PCDHGA1: variants seen among roughly 807,000 people sequenced by gnomAD.
PCDHGA1 encodes the protein protocadherin gamma-A1.
A neutral mutation model predicts 58.0 loss-of-function variants in PCDHGA1; 32 were observed. The observed-to-expected ratio is 0.55, with a 90% CI of 0.42 to 0.74. The LOEUF (loss-of-function observed/expected upper bound fraction) is 0.74. Ranked by LOEUF, PCDHGA1 falls within the 30% of genes least tolerant of loss-of-function variation. The probability of loss-of-function intolerance (pLI) is 0.00; values close to 1 mark genes in which losing one functional copy is unlikely to be tolerated. For synonymous variants in PCDHGA1, 498 were observed against 501.1 expected, an observed-to-expected ratio of 0.99 and a Z score of 0.08; for missense variants, 1,205 against 1,182.3, an observed-to-expected ratio of 1.02 and a Z score of -0.28.
chr5:141,450,006 C>CTTTT (rs1554136305), intron 1 of PCDHGA1, among the ~76,000 whole-genome samples: 4 of 132,984 alleles, frequency 3.0e-5, no homozygotes, highest in South Asian at 2.3e-4. Flanking sequence ...TGCCATGTCT[C>CTTTT]TTTTTTTTTT....
chr5:141,346,637 G>A (rs1303742317), intron 1 of PCDHGA1: 33 of 910,742 alleles, frequency 3.6e-5, no homozygotes, highest in Non-Finnish European at 5.3e-5. Flanking sequence ...GTCTGGTTAT[G>A]GTTGAGTGGG....
chr5:141,487,297 C>A lies in PCDHGA1; in HGVS notation c.2422-7510C>A. ...TTTGCTTTGTCTCCTTTGGCTCATT[C>A]GTGGCACTACTCTCTAAGTGTCTTC... is the stretch of plus-strand genomic sequence containing the variant. On this transcript the variant is annotated intron_variant, in intron 1 of 3. Transcript: ENST00000517417. This position sits in a 1 kb window ranked among gnomAD's most constrained non-coding sequence, Gnocchi z 5.0. 1 of 1,614,102 alleles carries A rather than the reference C, an allele frequency of 6.2e-7. No homozygotes were observed. The highest frequency in any genetic ancestry group is 8.5e-7 in the Non-Finnish European group (1 of 1,180,002).
At chr5:141,420,056 T>C (rs1241770239) in intron 1 of PCDHGA1, 1 of 1,614,044 alleles carries the variant, frequency 6.2e-7, no homozygotes, top group Admixed American at 1.7e-5. Flanking sequence ...AGTTCTCTGC[T>C]CCAAGTCCGG....
Position 141,361,957 on chromosome 5 carries a change from G to C in PCDHGA1, c.2421+28852G>C, listed in dbSNP as rs976081209. On this transcript the variant is annotated intron_variant, in intron 1 of 3. Transcript: ENST00000517417. The stretch of plus-strand genomic sequence containing the variant: ...ACACAACGCTTGGCTGTCCTACCAC[G>C]TGCTGCAGGCCAGCGAGCCCGGGCT... 1.0e-5 allele frequency: 16 copies of C among 1,603,004 alleles called. No individual in the cohort carries two copies. In the Admixed American group the frequency reaches 1.8e-4, roughly 19 times the overall value.
chr5:141,486,522 A>G lies in PCDHGA1; in HGVS notation c.2422-8285A>G. 1 of 1,614,174 alleles carries G rather than the reference A, an allele frequency of 6.2e-7. No homozygotes were observed. Among genetic ancestry groups the G allele is most frequent in the Non-Finnish European group, 8.5e-7 (1 of 1,180,024 alleles). On this transcript the variant is annotated intron_variant, in intron 1 of 3. Transcript: ENST00000517417. The surrounding 1 kb of genome is among the most constrained non-coding windows in gnomAD (Gnocchi z 5.0). The stretch of plus-strand genomic sequence containing the variant: ...TTCCTCAATATTTCAGATGTGAATG[A>G]TAATCCACCCTCTTTCTTTCAGAGG...
At chr5:141,362,573 T>G (rs754606560) in intron 1 of PCDHGA1, 21 of 1,605,662 alleles carry the variant, frequency 1.3e-5, no homozygotes, top group Non-Finnish European at 1.7e-5. Context: ...TTTAATTAAT[T>G]TATTTTCACT....
chr5:141,481,502 T>G (rs1425241526), intron 1 of PCDHGA1, among the ~76,000 whole-genome samples: 1 of 152,232 alleles, frequency 6.6e-6, no homozygotes, highest in Non-Finnish European at 1.5e-5. Context: ...TTGCATGGTA[T>G]GTGAATTATG....
chr5:141,365,211 T>G, intron 1 of PCDHGA1: 1 of 1,613,934 alleles, frequency 6.2e-7, no homozygotes, highest in Middle Eastern at 1.6e-4. Context: ...ACTTTCCAAC[T>G]TGATTCCAAC....
At chr5:141,408,776 C>A in intron 1 of PCDHGA1, 2 of 1,611,684 alleles carry the variant, frequency 1.2e-6, no homozygotes, top group Non-Finnish European at 1.7e-6. Flanking sequence ...TGGCAAATAC[C>A]CAGAGTTATC....
intron 1 of PCDHGA1, among the ~76,000 whole-genome samples, chr5:141,473,404 T>A (rs953797915): frequency 6.6e-6 from 1 of 152,226 alleles, no homozygotes; most frequent in Non-Finnish European, 1.5e-5. Flanking sequence ...TCTTTTTTTC[T>A]TCTTCAGTGG....
chr5:141,390,404 G>T, intron 1 of PCDHGA1: 1 of 1,262,098 alleles, frequency 7.9e-7, no homozygotes. Flanking sequence ...TTTTAGGAAA[G>T]TTGTAGTCAG....
intron 1 of PCDHGA1, chr5:141,428,189 CTCTCTGCGCCGCTACGCTTCACCTAG>C: frequency 7.0e-7 from 1 of 1,429,262 alleles, no homozygotes; most frequent in Non-Finnish European, 9.7e-7. Flanking sequence ...ACAGCCGCCG[CTCTCTGCGCCGCTACGCTTCACCTAG>C]TCTTCGCAGA....
chr5:141,343,676 T>A (rs1339400441), intron 1 of PCDHGA1, among the ~76,000 whole-genome samples: 1 of 152,244 alleles, frequency 6.6e-6, no homozygotes, highest in African/African-American at 2.4e-5. Flanking sequence ...TTATGTTCAA[T>A]CAACACTAGT....
At chr5:141,471,860 A>G (rs1470502617) in intron 1 of PCDHGA1, among the ~76,000 whole-genome samples, 1 of 152,202 alleles carries the variant, frequency 6.6e-6, no homozygotes, top group Non-Finnish European at 1.5e-5. Flanking sequence ...AAAAAGCAAA[A>G]CTGTGGTTGC....
rs576044355 is a variant in PCDHGA1 at position 141,375,342 on chromosome 5, T to A, written c.2421+42237T>A. 97 of 1,613,798 alleles carry A rather than the reference T, an allele frequency of 6.0e-5. 3 individuals are homozygous for A. In the South Asian group the frequency reaches 9.8e-4, roughly 16 times the overall value. On this transcript the variant is annotated intron_variant, in intron 1 of 3. Transcript: ENST00000517417. Reference sequence around the variant, plus strand: ...CGGGAAGAGGTATTCTTGTACAACATCACTGTGACAGCCACGGACAAAGGA... The same window carrying A: ...CGGGAAGAGGTATTCTTGTACAACAACACTGTGACAGCCACGGACAAAGGA...
At chr5:141,413,748 T>G (rs1264580781) in intron 1 of PCDHGA1, 1 of 1,613,288 alleles carries the variant, frequency 6.2e-7, no homozygotes, top group Admixed American at 1.7e-5. Flanking sequence ...GCCGTGCCAA[T>G]GGCGTCAAGT....
chr5:141,510,944 C>T lies in PCDHGA1; in HGVS notation c.2570-3C>T, dbSNP rs772921698. 2 of 1,614,120 alleles carry T rather than the reference C, an allele frequency of 1.2e-6. No individual in the cohort carries two copies. Among genetic ancestry groups the T allele is most frequent in the South Asian group, 2.2e-5 (2 of 91,080 alleles). On this transcript the variant is annotated splice_region_variant and splice_polypyrimidine_tract_variant and intron_variant, in intron 3 of 3. Transcript: ENST00000517417. Reference sequence around the variant, plus strand: ...CCCACCTGATCTTCCTCTGTCTCTGCAGAAGCTGCTGATGGGAGCTCCACC... The same window carrying T: ...CCCACCTGATCTTCCTCTGTCTCTGTAGAAGCTGCTGATGGGAGCTCCACC...
rs756761584 is a variant in PCDHGA1 at position 141,476,545 on chromosome 5, G to A, written c.2422-18262G>A. 13 of 1,614,230 alleles carry A rather than the reference G, an allele frequency of 8.1e-6. No homozygotes were observed. The Admixed American group carries it at 2.2e-4, about 27-fold the overall frequency. On this transcript the variant is annotated intron_variant, in intron 1 of 3. Coordinates refer to ENST00000517417, the MANE Select transcript of PCDHGA1 (RefSeq NM_018912.3). This position sits in a 1 kb window ranked among gnomAD's most constrained non-coding sequence, Gnocchi z 7.6. ...TCCCTACCCAGGAAATGAAATTGGA[G>A]ATTAGCGAGGCCGTGGCTCCGGGGA...
intron 1 of PCDHGA1, chr5:141,372,132 C>T (rs1427906053): frequency 3.7e-6 from 6 of 1,613,718 alleles, no homozygotes; most frequent in Non-Finnish European, 5.1e-6. Context: ...TATGGTGCCG[C>T]GCTCTGCAGA....
Sources: allele counts gnomAD v4.1 joint callset (sites outside exome capture counted in the v4.1 genomes callset), GRCh38; gene constraint gnomAD v4.1.1; non-coding constraint Gnocchi (gnomAD v3.1); transcripts MANE v1.5; gene names NCBI Gene and HGNC (gene_info 2026-07-23, HGNC 2026-07-21).